The following G3BP2 variants were observed in gnomAD, a reference collection of about 807,000 sequenced individuals.
G3BP2 encodes the protein G3BP stress granule assembly factor 2.
A neutral mutation model predicts 56.7 loss-of-function variants in G3BP2; 11 were observed. The observed-to-expected ratio is 0.19, with a 90% CI of 0.12 to 0.32. G3BP2 has a LOEUF of 0.32. Among genes scored for constraint, G3BP2 ranks in the 10% least tolerant of loss-of-function variants. The pLI, the probability that G3BP2 is intolerant of heterozygous loss-of-function variation, is 1.00. For synonymous variants in G3BP2, 165 were observed against 191.6 expected, an observed-to-expected ratio of 0.86 and a Z score of 1.15; for missense variants, 340 against 610.9, an observed-to-expected ratio of 0.56 and a Z score of 4.67.
chr4:75,674,720 T>TATATATATA (rs33996257), upstream of G3BP2, among the ~76,000 whole-genome samples: 89 of 54,440 alleles, frequency 1.6e-3, no homozygotes, highest in South Asian at 6.3e-3. Context: ...ATATATATAT[T>TATATATATA]TTTTTTTTTT....
At chr4:75,650,560 G>C (rs1470398366) in intron 8 of G3BP2, among the ~76,000 whole-genome samples, 3 of 151,546 alleles carry the variant, frequency 2.0e-5, no homozygotes, top group Non-Finnish European at 4.4e-5. Context: ...CCTAAATTCT[G>C]TTTTCCTCTA....
At chr4:75,704,793 C>T (rs1489319049) in intron 3 of G3BP2, among the ~76,000 whole-genome samples, 3 of 151,888 alleles carry the variant, frequency 2.0e-5, no homozygotes, top group South Asian at 4.2e-4. Flanking sequence ...TCATCATGCC[C>T]GGTTAATTTT....
chr4:75,649,921 GA>G (rs1266250493), intron 8 of G3BP2, among the ~76,000 whole-genome samples: 1 of 152,136 alleles, frequency 6.6e-6, no homozygotes, highest in Non-Finnish European at 1.5e-5. Flanking sequence ...TGAGGCAGGA[GA>G]ATCGCTTGAA....
At chr4:75,714,436 G>A (rs1297213552) in intron 3 of G3BP2, among the ~76,000 whole-genome samples, 1 of 152,162 alleles carries the variant, frequency 6.6e-6, no homozygotes, top group Non-Finnish European at 1.5e-5. Context: ...AGACCAGCCT[G>A]GCCAACATGG....
intron 3 of G3BP2, among the ~76,000 whole-genome samples, chr4:75,719,342 C>T (rs1720055078): frequency 2.6e-5 from 2 of 76,452 alleles, no homozygotes; most frequent in African/African-American, 4.5e-5. Context: ...AGCAAGACTC[C>T]GTCTCAAAAA....
intron 3 of G3BP2, among the ~76,000 whole-genome samples, chr4:75,694,424 AC>A (rs1336287721): frequency 6.6e-6 from 1 of 151,984 alleles, no homozygotes; most frequent in African/African-American, 2.4e-5. Flanking sequence ...ACATGGTGAA[AC>A]CCCCGTCTCT....
intron 3 of G3BP2, among the ~76,000 whole-genome samples, chr4:75,706,637 A>G (rs1158659595): frequency 1.4e-5 from 2 of 147,166 alleles, no homozygotes; most frequent in Non-Finnish European, 3.0e-5. Context: ...AGATCGTGCC[A>G]TTGCACTCCA....
intron 1 of G3BP2, among the ~76,000 whole-genome samples, chr4:75,666,298 A>G (rs968615173): frequency 1.3e-5 from 2 of 152,244 alleles, no homozygotes; most frequent in African/African-American, 4.8e-5. Flanking sequence ...ATTGGAAGGC[A>G]GTAACTTGAA....
chr4:75,676,392 GA>G (rs1733879494), upstream of G3BP2, among the ~76,000 whole-genome samples: 1 of 142,946 alleles, frequency 7.0e-6, no homozygotes, highest in Non-Finnish European at 1.5e-5. Context: ...ATCCAGGCTG[GA>G]GTGCAATGGC....
chr4:75,701,617 G>A (rs927191175), intron 3 of G3BP2, among the ~76,000 whole-genome samples: 1 of 151,062 alleles, frequency 6.6e-6, no homozygotes, highest in Non-Finnish European at 1.5e-5. Flanking sequence ...TAGTAGGGAT[G>A]GGGTTTCACC....
chr4:75,661,908 C>T (rs1447493527), intron 2 of G3BP2, 23 bp downstream of exon 2: 2 of 1,241,032 alleles, frequency 1.6e-6, no homozygotes, highest in East Asian at 2.3e-5. Context: ...ATAAAAATAC[C>T]AAATTATTTG....
chr4:75,646,675 T>C (rs1309900557), intron 10 of G3BP2, among the ~76,000 whole-genome samples: 7 of 151,918 alleles, frequency 4.6e-5, no homozygotes, highest in African/African-American at 1.7e-4. Context: ...TTCTGCATCT[T>C]TGGTAGTCCT....
intron 2 of G3BP2, among the ~76,000 whole-genome samples, chr4:75,721,910 C>A (rs1399225542): frequency 6.6e-6 from 1 of 152,106 alleles, no homozygotes; most frequent in Non-Finnish European, 1.5e-5. Flanking sequence ...GGACTCTTAT[C>A]CTGAATGCTT....
chr4:75,662,503 T>C (rs1732645321), intron 1 of G3BP2: 1 of 152,848 alleles, frequency 6.5e-6, no homozygotes, highest in Non-Finnish European at 1.5e-5. Context: ...ATTACAGGCG[T>C]GAGCCACCGT....
chr4:75,712,465 T>C (rs1342355940), intron 3 of G3BP2, among the ~76,000 whole-genome samples: 2 of 152,206 alleles, frequency 1.3e-5, no homozygotes, highest in Non-Finnish European at 2.9e-5. Flanking sequence ...GTTTTTCACA[T>C]TGATTCTGTG....
intron 8 of G3BP2, among the ~76,000 whole-genome samples, chr4:75,653,156 T>C (rs772851441): frequency 4.6e-5 from 7 of 151,774 alleles, no homozygotes; most frequent in Non-Finnish European, 8.8e-5. Context: ...GCTGATTATG[T>C]GTCCCAACAC....
intron 3 of G3BP2, among the ~76,000 whole-genome samples, chr4:75,704,570 C>T (rs947891168): frequency 2.0e-5 from 3 of 151,928 alleles, no homozygotes; most frequent in African/African-American, 4.8e-5. Context: ...CCTCCCGCCT[C>T]GGCCTCCCAA....
Position 75,645,148 on chromosome 4 carries a change from G to C in G3BP2, c.*282C>G. 2.6e-6 allele frequency: 1 copy of C among 377,738 alleles called. No homozygotes were observed. The allele number at this position is 377,738 out of a possible 1,614,324, so 23.4% of individuals were successfully genotyped here. On this transcript the variant is annotated 3_prime_UTR_variant, in exon 12 of 12. Transcript: ENST00000359707. ...TTACTCAAAGGACCTGAATTCAGTG[G>C]GCATGTCCTTTTAAGTTCACTTTGT...
At chr4:75,717,278 A>G (rs1160677281) in intron 3 of G3BP2, among the ~76,000 whole-genome samples, 5 of 152,082 alleles carry the variant, frequency 3.3e-5, no homozygotes, top group Admixed American at 3.3e-4. Flanking sequence ...TCTACAATAA[A>G]ATAAAATAAA....
Sources: allele counts gnomAD v4.1 joint callset (sites outside exome capture counted in the v4.1 genomes callset), GRCh38; gene constraint gnomAD v4.1.1; transcripts MANE v1.5; gene names NCBI Gene and HGNC (gene_info 2026-07-23, HGNC 2026-07-21).